The following FOXP2 variants were observed in gnomAD, a reference collection of about 807,000 sequenced individuals.
The protein encoded by FOXP2 is forkhead box P2, also known as forkhead box protein P2.
FOXP2 carries 12 observed loss-of-function variants against 115.8 expected under a neutral mutation model. The observed-to-expected ratio is 0.10, with a 90% CI of 0.07 to 0.17. The LOEUF (loss-of-function observed/expected upper bound fraction) is 0.17. FOXP2 is among the 10% of genes least tolerant of loss of function. FOXP2 has a pLI of 1.00. For missense variants in FOXP2, 629 were observed against 843.5 expected (o/e 0.75, Z 3.15); for synonymous variants, 328 against 297.7 (o/e 1.10, Z -1.05).
intron 7 of FOXP2, among the ~76,000 whole-genome samples, 189 bp downstream of exon 7, chr7:114,642,812 A>ATATATATATATATTTT (rs1308357594): frequency 1.4e-5 from 1 of 72,438 alleles, no homozygotes. Flanking sequence ...ATATATATAT[A>ATATATATATATATTTT]TTTTTTTTTT....
intron 1 of FOXP2, among the ~76,000 whole-genome samples, chr7:114,120,698 A>ATGTGTGTGTG (rs111628410): frequency 1.0e-4 from 15 of 149,428 alleles, no homozygotes; most frequent in African/African-American, 3.2e-4. Flanking sequence ...GTGTATATGT[A>ATGTGTGTGTG]TGTGTGTGTG....
intron 2 of FOXP2, among the ~76,000 whole-genome samples, chr7:114,405,854 G>A (rs1405302514): frequency 6.6e-6 from 1 of 151,704 alleles, no homozygotes; most frequent in Non-Finnish European, 1.5e-5. Flanking sequence ...TATATAAATA[G>A]CATATTGGCT....
At chr7:114,626,679 A>G (rs1584965449) in intron 3 of FOXP2, among the ~76,000 whole-genome samples, 1 of 151,496 alleles carries the variant, frequency 6.6e-6, no homozygotes, top group South Asian at 2.1e-4. Context: ...TTTGATTCCT[A>G]TTTGGAAATA....
rs117570510 is a variant in FOXP2, at chr7:114,344,800, C to A, written c.-11+56691C>A. On this transcript the variant is annotated intron_variant, in intron 2 of 17. Transcript: ENST00000634411. ...AATAACGGTAAAATAATCATCTGTT[C>A]AGTTTCTTTTATATTGCCTAGTATG... is the stretch of plus-strand genomic sequence containing the variant. Among the ~76,000 whole-genome samples the A allele has an allele frequency of 5.5e-3, 841 of 151,822 alleles. 6 individuals are homozygous for A. In the Middle Eastern group the frequency reaches 0.069, roughly 12 times the overall value.
At chr7:114,421,255 T>G (rs1793606284) in intron 1 of FOXP2, among the ~76,000 whole-genome samples, 1 of 151,622 alleles carries the variant, frequency 6.6e-6, no homozygotes, top group Non-Finnish European at 1.5e-5. Flanking sequence ...TAAACTTATT[T>G]TATTTTTTAT....
intron 3 of FOXP2, among the ~76,000 whole-genome samples, chr7:114,608,878 T>G (rs1204515262): frequency 1.3e-5 from 2 of 151,992 alleles, no homozygotes; most frequent in Non-Finnish European, 2.9e-5. Flanking sequence ...ATGCAGAAGT[T>G]CAATTTAATC....
intron 2 of FOXP2, among the ~76,000 whole-genome samples, chr7:114,456,978 AAGAG>A (rs570064804): frequency 1.4e-4 from 21 of 152,210 alleles, no homozygotes; most frequent in Non-Finnish European, 1.8e-4. Context: ...AAAAAAGAAA[AAGAG>A]AGAGAGAGAA....
intron 3 of FOXP2, among the ~76,000 whole-genome samples, chr7:114,619,093 G>A (rs1292469347): frequency 6.6e-6 from 1 of 152,130 alleles, no homozygotes; most frequent in African/African-American, 2.4e-5. Context: ...AATTTTTCTA[G>A]TTTCAAAGTC....
intron 2 of FOXP2, among the ~76,000 whole-genome samples, chr7:114,288,975 T>C (rs1160719722): frequency 2.6e-5 from 4 of 151,802 alleles, no homozygotes; most frequent in East Asian, 1.9e-4. Flanking sequence ...ACCATGAGCA[T>C]AGTATAGGCC....
At chr7:114,125,901 C>T (rs1234075294) in intron 1 of FOXP2, among the ~76,000 whole-genome samples, 1 of 152,092 alleles carries the variant, frequency 6.6e-6, no homozygotes, top group African/African-American at 2.4e-5. Flanking sequence ...TATCAAAAGA[C>T]ATTCAGTTCT....
At chr7:114,100,521 T>C (rs985107096) in intron 1 of FOXP2, among the ~76,000 whole-genome samples, 2 of 152,144 alleles carry the variant, frequency 1.3e-5, no homozygotes, top group Non-Finnish European at 2.9e-5. Flanking sequence ...AAGATTTGTA[T>C]CTCCATTAAA....
At chr7:114,559,716 A>G (rs1800662937) in intron 3 of FOXP2, among the ~76,000 whole-genome samples, 1 of 152,048 alleles carries the variant, frequency 6.6e-6, no homozygotes, top group Non-Finnish European at 1.5e-5. Context: ...CCCCGTCTCT[A>G]CTAAAAAAAA....
chr7:114,572,777 G>A (rs1413473049), intron 3 of FOXP2, among the ~76,000 whole-genome samples: 1 of 151,772 alleles, frequency 6.6e-6, no homozygotes, highest in African/African-American at 2.4e-5. Flanking sequence ...TGAGAGAAAA[G>A]AAATCTATAG....
At chr7:114,669,031 C>T (rs1439330376) in intron 16 of FOXP2, 1 of 151,920 alleles carries the variant, frequency 6.6e-6, no homozygotes, top group Non-Finnish European at 1.5e-5. Flanking sequence ...TATTGGTAGA[C>T]TATACTTTTT....
intron 3 of FOXP2, among the ~76,000 whole-genome samples, chr7:114,588,250 T>G (rs1374101277): frequency 2.0e-5 from 3 of 151,872 alleles, no homozygotes; most frequent in Non-Finnish European, 4.4e-5. Flanking sequence ...GAGGTTGCCG[T>G]GAGCCAAGAT....
chr7:114,512,240 A>G (rs902487585), intron 2 of FOXP2, among the ~76,000 whole-genome samples: 2 of 152,204 alleles, frequency 1.3e-5, no homozygotes, highest in African/African-American at 4.8e-5. Flanking sequence ...AAGCATGTTT[A>G]TAAATATTTT....
intron 2 of FOXP2, among the ~76,000 whole-genome samples, chr7:114,496,838 A>C (rs918033561): frequency 6.6e-6 from 1 of 152,140 alleles, no homozygotes; most frequent in African/African-American, 2.4e-5. Flanking sequence ...TATTTACCTA[A>C]ATTTTTAATT....
intron 1 of FOXP2, among the ~76,000 whole-genome samples, chr7:114,167,724 C>T (rs1462133248): frequency 6.6e-6 from 1 of 152,010 alleles, no homozygotes; most frequent in Non-Finnish European, 1.5e-5. Context: ...ATCAGGAGGT[C>T]AGGAGATCGA....
intron 2 of FOXP2, among the ~76,000 whole-genome samples, chr7:114,338,031 A>T (rs1797902400): frequency 6.6e-6 from 1 of 151,240 alleles, no homozygotes; most frequent in South Asian, 2.1e-4. Context: ...TTTAATTGGA[A>T]TATGTAGAGG....
Sources: gnomAD v4.1 joint callset for allele counts (sites outside exome capture counted in the v4.1 genomes callset) on GRCh38, gnomAD v4.1.1 for gene constraint, MANE v1.5 for transcripts, NCBI Gene and HGNC (gene_info 2026-07-23, HGNC 2026-07-21) for gene names.